The following PTK2 variants were observed in gnomAD, a reference collection of about 807,000 sequenced individuals.
PTK2 encodes focal adhesion kinase 1.
A neutral mutation model predicts 150.1 loss-of-function variants in PTK2; 45 were observed. The observed-to-expected ratio is 0.30, with a 90% CI of 0.24 to 0.38. The LOEUF (loss-of-function observed/expected upper bound fraction) is 0.38. Among genes scored for constraint, PTK2 ranks in the 10% least tolerant of loss-of-function variants. PTK2 has a pLI of 1.00. For missense variants in PTK2, 919 were observed against 1,307.3 expected (o/e 0.70, Z 4.58); for synonymous variants, 432 against 449.2 (o/e 0.96, Z 0.48).
intron 1 of PTK2, among the ~76,000 whole-genome samples, chr8:140,952,909 T>C (rs1244711279): frequency 2.0e-5 from 3 of 152,226 alleles, no homozygotes; most frequent in Non-Finnish European, 4.4e-5. Flanking sequence ...CTCCGTTTTC[T>C]GCTAATTAAA....
intron 14 of PTK2, among the ~76,000 whole-genome samples, chr8:140,779,759 G>A (rs1003347550): frequency 6.6e-6 from 1 of 152,188 alleles, no homozygotes; most frequent in Non-Finnish European, 1.5e-5. Flanking sequence ...AATGAGATTA[G>A]TCCAACTGGA....
chr8:140,674,425 C>T (rs1028360512), intron 28 of PTK2, 21 bp from the exon 32 acceptor site: 2 of 1,560,602 alleles, frequency 1.3e-6, no homozygotes, highest in Non-Finnish European at 1.7e-6. Flanking sequence ...AGAATGATTC[C>T]CATTAAGTCA....
chr8:140,857,913 A>C (rs970988694), intron 5 of PTK2, among the ~76,000 whole-genome samples: 1 of 152,218 alleles, frequency 6.6e-6, no homozygotes, highest in Non-Finnish European at 1.5e-5. Context: ...ACACACAAGG[A>C]AAAAAGTCAC....
intron 1 of PTK2, among the ~76,000 whole-genome samples, chr8:140,987,265 C>G (rs1388188241): frequency 6.6e-6 from 1 of 152,186 alleles, no homozygotes; most frequent in Non-Finnish European, 1.5e-5. Flanking sequence ...ACTGCAACCT[C>G]TGCCGCCCAG....
intron 12 of PTK2, among the ~76,000 whole-genome samples, chr8:140,796,404 C>T (rs2100091628): frequency 6.6e-6 from 1 of 152,172 alleles, no homozygotes; most frequent in South Asian, 2.1e-4. Context: ...ATCCCATGAA[C>T]ATGACCACCT....
chr8:140,890,280 A>T (rs1017658142), intron 3 of PTK2: 3 of 369,864 alleles, frequency 8.1e-6, no homozygotes, highest in South Asian at 1.1e-4. Flanking sequence ...AAAAAAAAAA[A>T]ACCTAGAAGG....
rs542945472 is a variant in PTK2, at chr8:140,748,532, C to T, written c.1418-1672G>A. Among the ~76,000 whole-genome samples, 15 of 151,254 alleles carry T rather than the reference C, an allele frequency of 9.9e-5. No individual in the cohort carries two copies. In the East Asian group the frequency reaches 1.8e-3, roughly 18 times the overall value. On this transcript the variant is annotated intron_variant, in intron 17 of 31. Transcript: ENST00000522684. ...AAAAAAAAAAAGTTTCCAGGACAGC[C>T]GTGAGGACTTTCACATGAGAGAAAT...
chr8:140,929,750 C>T (rs1463791809), intron 1 of PTK2, among the ~76,000 whole-genome samples: 1 of 131,486 alleles, frequency 7.6e-6, no homozygotes, highest in Non-Finnish European at 1.8e-5. Context: ...GATATGTGAC[C>T]CTGGCACTTT....
At chr8:140,946,635 T>C (rs145603781) in intron 1 of PTK2, among the ~76,000 whole-genome samples, 165 of 152,324 alleles carry the variant, frequency 1.1e-3, no homozygotes, top group East Asian at 5.0e-3. Flanking sequence ...CCTTTGTATT[T>C]AGCTCAAATC....
chr8:140,738,824 A>C (rs2154419095), intron 21 of PTK2, among the ~76,000 whole-genome samples, 194 bp downstream of exon 24: 1 of 152,338 alleles, frequency 6.6e-6, no homozygotes, highest in South Asian at 2.1e-4. Context: ...ACCCTTACAG[A>C]AGCTGTGCCC....
intron 1 of PTK2, among the ~76,000 whole-genome samples, chr8:140,976,430 G>T (rs372559630): frequency 6.6e-6 from 1 of 152,248 alleles, no homozygotes; most frequent in African/African-American, 2.4e-5. Context: ...AGGCTAAAAG[G>T]TCCCAGAATA....
intron 1 of PTK2, among the ~76,000 whole-genome samples, chr8:141,000,556 G>A (rs1023480556): frequency 6.6e-6 from 1 of 152,122 alleles, no homozygotes; most frequent in African/African-American, 2.4e-5. Context: ...CCGCTCCGGC[G>A]GAGGCCGGCC....
intron 11 of PTK2, among the ~76,000 whole-genome samples, chr8:140,801,662 G>A (rs2100095103): frequency 6.6e-6 from 1 of 152,106 alleles, no homozygotes; most frequent in Non-Finnish European, 1.5e-5. Flanking sequence ...CCAGTATCAG[G>A]TACTGCTGCT....
chr8:140,819,563 T>C (rs554262239), intron 8 of PTK2, among the ~76,000 whole-genome samples: 5 of 152,244 alleles, frequency 3.3e-5, no homozygotes, highest in African/African-American at 9.6e-5. Flanking sequence ...TAAACTATGG[T>C]GTATCTATCT....
At chr8:140,866,156 A>C (rs962113451) in intron 4 of PTK2, among the ~76,000 whole-genome samples, 1 of 152,216 alleles carries the variant, frequency 6.6e-6, no homozygotes, top group Non-Finnish European at 1.5e-5. Flanking sequence ...CGCATTCTGC[A>C]GACTAAAAAA....
intron 17 of PTK2, among the ~76,000 whole-genome samples, chr8:140,747,786 G>C (rs2100060268): frequency 1.4e-5 from 2 of 145,188 alleles, no homozygotes; most frequent in African/African-American, 5.1e-5. Flanking sequence ...AGGAAGAGGG[G>C]GAGGAAGGGA....
intron 1 of PTK2, among the ~76,000 whole-genome samples, chr8:140,967,467 T>C (rs1253421253): frequency 1.6e-4 from 24 of 149,848 alleles, no homozygotes; most frequent in Non-Finnish European, 3.3e-4. Flanking sequence ...CTTTCTTTTT[T>C]TTTTTTTTTT....
intron 4 of PTK2, among the ~76,000 whole-genome samples, chr8:140,872,233 C>T (rs978763852): frequency 2.7e-5 from 4 of 148,558 alleles, no homozygotes; most frequent in African/African-American, 7.4e-5. Flanking sequence ...TTGGTAGCGA[C>T]GGGGTTTCAC....
exon 18 of PTK2, chr8:140,746,816 C>T: frequency 6.2e-7 from 1 of 1,613,606 alleles, no homozygotes; most frequent in Non-Finnish European, 8.5e-7. Context: ...GTGATGACTC[C>T]AATCAGCTTC....
Sources: gnomAD v4.1 joint callset for allele counts (sites outside exome capture counted in the v4.1 genomes callset) on GRCh38, gnomAD v4.1.1 for gene constraint, MANE v1.5 for transcripts, NCBI Gene and HGNC (gene_info 2026-07-23, HGNC 2026-07-21) for gene names.